FAM167A: variants seen among roughly 807,000 people sequenced by gnomAD.
FAM167A encodes the protein family with sequence similarity 167 member A.
A neutral mutation model predicts 14.9 loss-of-function variants in FAM167A; 23 were observed. The ratio of observed to expected loss-of-function variants is 1.55; its 90% CI spans 1.11 to 2.19. The LOEUF (loss-of-function observed/expected upper bound fraction) is 2.19. Among genes scored for constraint, FAM167A ranks in the 30% most tolerant of loss-of-function variants. The pLI is 0.00. For missense variants in FAM167A, 401 were observed against 281.5 expected (o/e 1.42, Z -3.04); for synonymous variants, 174 against 117.7 (o/e 1.48, Z -3.10).
intron 1 of FAM167A, among the ~76,000 whole-genome samples, chr8:11,461,548 A>T (rs1022234136): frequency 1.3e-5 from 2 of 152,268 alleles, no homozygotes; most frequent in Admixed American, 6.5e-5. Flanking sequence ...CCCTGGCTAT[A>T]CAAACAGGAA....
At chr8:11,470,512 A>G (rs1246008160), upstream of FAM167A, among the ~76,000 whole-genome samples, 2 of 152,178 alleles carry the variant, frequency 1.3e-5, no homozygotes, top group Non-Finnish European at 2.9e-5. Context: ...CCTCGTGAGG[A>G]CTGGCCTTCC....
chr8:11,447,853 T>C (rs562914210), intron 1 of FAM167A, among the ~76,000 whole-genome samples: 1 of 152,214 alleles, frequency 6.6e-6, no homozygotes, highest in Non-Finnish European at 1.5e-5. Context: ...GACTACATAA[T>C]TCACAAGGCT....
intron 1 of FAM167A, among the ~76,000 whole-genome samples, chr8:11,465,752 G>T (rs1245721351): frequency 6.6e-6 from 1 of 152,170 alleles, no homozygotes; most frequent in Non-Finnish European, 1.5e-5. Flanking sequence ...GCCCCTTGGT[G>T]AAAACCCTGT....
intron 1 of FAM167A, among the ~76,000 whole-genome samples, chr8:11,453,360 T>C (rs952412909): frequency 6.6e-6 from 1 of 152,206 alleles, no homozygotes; most frequent in African/African-American, 2.4e-5. Flanking sequence ...TTAGTAACAC[T>C]GTCAAGCTGC....
At chr8:11,448,005 C>A (rs1172079460) in intron 1 of FAM167A, among the ~76,000 whole-genome samples, 1 of 152,064 alleles carries the variant, frequency 6.6e-6, no homozygotes, top group African/African-American at 2.4e-5. Flanking sequence ...ACCAGCCTGA[C>A]CAACATAGTG....
At chr8:11,431,537 AT>A (rs1411455271) in intron 2 of FAM167A, among the ~76,000 whole-genome samples, 2 of 152,342 alleles carry the variant, frequency 1.3e-5, no homozygotes, top group African/African-American at 4.8e-5. Flanking sequence ...TATTATACAT[AT>A]TTTACTGACA....
At chr8:11,460,266 G>A (rs753231693) in intron 1 of FAM167A, among the ~76,000 whole-genome samples, 1 of 152,248 alleles carries the variant, frequency 6.6e-6, no homozygotes, top group Non-Finnish European at 1.5e-5. Context: ...ATTGCCGATG[G>A]GAGCGGGAGA....
intron 1 of FAM167A, among the ~76,000 whole-genome samples, chr8:11,453,817 C>T (rs546590035): frequency 3.4e-4 from 52 of 152,288 alleles, no homozygotes; most frequent in Non-Finnish European, 4.1e-4. Context: ...AGCACGTCTA[C>T]ACCGCAGCAC....
At position 11,453,416 on chromosome 8, in the gene FAM167A, T is replaced by C. The variant is rs909706125; in HGVS notation, c.-397-8608A>G. Among the ~76,000 whole-genome samples the C allele has an allele frequency of 4.6e-5, 7 of 152,354 alleles. No homozygotes were observed. In the South Asian group the frequency reaches 8.3e-4, roughly 18 times the overall value. ...ATATGTGCCAGGCACTATAAGGAGA[T>C]AGCACCTCACTTATTTGCATGAGAA... On this transcript the variant is annotated intron_variant, in intron 1 of 2. Coordinates refer to ENST00000284486, the MANE Select transcript of FAM167A (RefSeq NM_053279.3).
chr8:11,460,536 C>T (rs553833434), intron 1 of FAM167A, among the ~76,000 whole-genome samples: 3 of 152,332 alleles, frequency 2.0e-5, no homozygotes, highest in Middle Eastern at 3.4e-3. Flanking sequence ...CAGCAGAGCC[C>T]GGTTTGCAGT....
At chr8:11,473,115 C>T (rs919843629) in intron 1 of FAM167A, among the ~76,000 whole-genome samples, 1 of 152,234 alleles carries the variant, frequency 6.6e-6, no homozygotes, top group Non-Finnish European at 1.5e-5. Context: ...AGCTCTGCCC[C>T]TTATGGAAGC....
intron 1 of FAM167A, chr8:11,446,581 C>T (rs1314946598): frequency 6.6e-6 from 1 of 152,196 alleles, no homozygotes; most frequent in African/African-American, 2.4e-5. Context: ...GATGGCCTAG[C>T]TCTACGTCTT....
chr8:11,424,574 G>A lies in FAM167A; in HGVS notation c.444C>T (p.Ile148=). The change falls in exon 3 of 3, where the codon ATC becomes ATT. Residue 148 remains isoleucine, a synonymous_variant. Coordinates refer to ENST00000284486, the MANE Select transcript of FAM167A (RefSeq NM_053279.3). ...AGGTGTGTTCGATTTTCAGCTTGTT[G>A]ATGTCGCCACGCAGGCGCATGAGCT... The part of the protein sequence containing the change: ...ARQLMRLRGD[I]NKLKIEHTCR... 6.2e-7 allele frequency: 1 copy of A among 1,614,070 alleles called. No individual in the cohort carries two copies.
chr8:11,425,908 C>T (rs529978243), intron 2 of FAM167A, among the ~76,000 whole-genome samples: 74 of 152,296 alleles, frequency 4.9e-4, no homozygotes, highest in Non-Finnish European at 9.3e-4. Context: ...ATACTTACAT[C>T]TGTAGAGCAT....
intron 1 of FAM167A, among the ~76,000 whole-genome samples, chr8:11,463,832 TG>T (rs1807638761): frequency 6.6e-6 from 1 of 152,188 alleles, no homozygotes; most frequent in African/African-American, 2.4e-5. Context: ...ATCACACTTA[TG>T]GGCACCCGAG....
At chr8:11,429,653 G>A (rs936726516) in intron 2 of FAM167A, among the ~76,000 whole-genome samples, 1 of 152,170 alleles carries the variant, frequency 6.6e-6, no homozygotes, top group South Asian at 2.1e-4. Context: ...GACCACACTC[G>A]GGCCTGTCAG....
chr8:11,471,745 C>T, upstream of FAM167A, among the ~76,000 whole-genome samples: 1 of 152,224 alleles, frequency 6.6e-6, no homozygotes. Context: ...GTTGCCCTCT[C>T]AGAATCCACT....
At position 11,430,372 on chromosome 8, in the gene FAM167A, G is replaced by T. The variant is rs182203980; in HGVS notation, c.382-5736C>A. 7.1e-4 allele frequency among the ~76,000 whole-genome samples: 108 copies of T among 152,350 alleles called. 1 individual carries two copies. Among genetic ancestry groups the T allele is most frequent in the African/African-American group, 2.6e-3 (107 of 41,580 alleles). Reference sequence around the variant, plus strand: ...GCCCCTTTGAAACAGCTGTGCTTGTGATCTGTACTACAGATGTTTGTTTTT... The same window carrying T: ...GCCCCTTTGAAACAGCTGTGCTTGTTATCTGTACTACAGATGTTTGTTTTT... On this transcript the variant is annotated intron_variant, in intron 2 of 2. Transcript: ENST00000284486.
intron 2 of FAM167A, among the ~76,000 whole-genome samples, chr8:11,431,451 G>A (rs148436421): frequency 6.2e-4 from 94 of 152,328 alleles, no homozygotes; most frequent in African/African-American, 2.1e-3. Flanking sequence ...TGAAGTTCTC[G>A]AGATGGATGG....
Sources: allele counts gnomAD v4.1 joint callset (sites outside exome capture counted in the v4.1 genomes callset), GRCh38; gene constraint gnomAD v4.1.1; transcripts MANE v1.5; gene names NCBI Gene and HGNC (gene_info 2026-07-23, HGNC 2026-07-21).